SLC7A1: variants seen among roughly 807,000 people sequenced by gnomAD.
The protein encoded by SLC7A1 is high affinity cationic amino acid transporter 1.
SLC7A1 carries 10 observed loss-of-function variants against 53.9 expected under a neutral mutation model. The ratio of observed to expected loss-of-function variants is 0.19; its 90% CI spans 0.11 to 0.31. The LOEUF is 0.31. Ranked by LOEUF, SLC7A1 falls within the 10% of genes least tolerant of loss-of-function variation. The pLI, the probability that SLC7A1 is intolerant of heterozygous loss-of-function variation, is 1.00. For synonymous variants in SLC7A1, 342 were observed against 338.7 expected, an observed-to-expected ratio of 1.01 and a Z score of -0.11; for missense variants, 525 against 827.2, an observed-to-expected ratio of 0.63 and a Z score of 4.48.
At chr13:29,561,693 C>A (rs1258174727) in intron 1 of SLC7A1, among the ~76,000 whole-genome samples, 1 of 152,148 alleles carries the variant, frequency 6.6e-6, no homozygotes, top group Non-Finnish European at 1.5e-5. Context: ...ACAATAAAGA[C>A]CTCAGCGTCC....
Position 29,572,535 on chromosome 13 carries a change from AGGACTGGCC to A in SLC7A1, c.-114-18684_-114-18676del, listed in dbSNP as rs947658620. The stretch of plus-strand genomic sequence containing the variant: ...AGACCATGTGAGGGGCAGGGGAGGA[AGGACTGGCC>A]GGATGCCATCAGTTATCATCAATAT... On this transcript the variant is annotated intron_variant, in intron 1 of 12. Transcript: ENST00000380752. 5.3e-5 allele frequency among the ~76,000 whole-genome samples: 8 copies of A among 152,286 alleles called. No homozygotes were observed. In the East Asian group the frequency reaches 1.4e-3, roughly 26 times the overall value.
chr13:29,587,395 A>G (rs1199040833), intron 1 of SLC7A1, among the ~76,000 whole-genome samples: 1 of 152,212 alleles, frequency 6.6e-6, no homozygotes, highest in Non-Finnish European at 1.5e-5. Context: ...TTCCCTAGGA[A>G]CTTTTGAGAA....
Position 29,510,235 on chromosome 13 carries a change from G to A in SLC7A1, c.*4245C>T, listed in dbSNP as rs9508481. On this transcript the variant is annotated 3_prime_UTR_variant, in exon 13 of 13. Coordinates refer to ENST00000380752, the MANE Select transcript of SLC7A1 (RefSeq NM_003045.5). ...CCAGGCCCAGCCGGGTCCCGATGGC[G>A]AGAGCGTTGTGGCTCAGTGAAGCAC... 0.011 allele frequency: 1,689 copies of A among 152,754 alleles called. 13 individuals are homozygous for A. Among genetic ancestry groups the A allele is most frequent in the Middle Eastern group, 0.037 (11 of 294 alleles). 9.5% of individuals were successfully genotyped at this position (152,754 alleles called of 1,614,324 possible).
intron 1 of SLC7A1, among the ~76,000 whole-genome samples, chr13:29,571,163 C>CA (rs1399029048): frequency 6.6e-6 from 1 of 152,092 alleles, no homozygotes; most frequent in African/African-American, 2.4e-5. Flanking sequence ...ATTAAAATAG[C>CA]AAAAATTGTA....
chr13:29,544,876 G>A (rs1044047717), intron 2 of SLC7A1, among the ~76,000 whole-genome samples: 4 of 150,728 alleles, frequency 2.7e-5, no homozygotes, highest in Non-Finnish European at 5.9e-5. Context: ...TCGGGGGGGG[G>A]GGGCAAGCTC....
chr13:29,584,201 C>T (rs1566278144), intron 1 of SLC7A1, among the ~76,000 whole-genome samples: 4 of 152,126 alleles, frequency 2.6e-5, no homozygotes, highest in Admixed American at 2.6e-4. Flanking sequence ...GCAACCTCCA[C>T]CTCCTGGGCT....
chr13:29,514,010 T>G lies in SLC7A1; in HGVS notation c.*470A>C, dbSNP rs1189055098. 1 of 162,978 alleles carries G rather than the reference T, an allele frequency of 6.1e-6. No individual in the cohort carries two copies. Among genetic ancestry groups the G allele is most frequent in the Non-Finnish European group, 1.3e-5 (1 of 74,702 alleles). The allele number at this position is 162,978 out of a possible 1,614,324, so 10.1% of individuals were successfully genotyped here. A position where few individuals can be genotyped will look rare whatever the true frequency, so the allele number is the denominator to read the frequency against. ...GTGGGGAGCTGCTGGGGACACACTGTTTTGTGGTACTCATCTGGCTTGATT... is the reference window on the plus strand; with the variant it reads ...GTGGGGAGCTGCTGGGGACACACTGGTTTGTGGTACTCATCTGGCTTGATT... On this transcript the variant is annotated 3_prime_UTR_variant, in exon 13 of 13. Transcript: ENST00000380752.
In SLC7A1 at chr13:29,514,381, G is replaced by A. The variant is rs1320554814; in HGVS notation, c.*99C>T. On this transcript the variant is annotated 3_prime_UTR_variant, in exon 13 of 13. Coordinates refer to ENST00000380752, the MANE Select transcript of SLC7A1 (RefSeq NM_003045.5). ...TGGCTGCAGTGAGGGTGTGGACGCA[G>A]GTGGTTTCTGTTGCACTGGTGGGGA... is the stretch of plus-strand genomic sequence containing the variant. 1 of 790,252 alleles carries A rather than the reference G, an allele frequency of 1.3e-6. No homozygotes were observed. Among genetic ancestry groups the A allele is most frequent in the African/African-American group, 1.7e-5 (1 of 59,298 alleles). The allele number at this position is 790,252 out of a possible 1,614,324, so 49.0% of individuals were successfully genotyped here.
At position 29,551,357 on chromosome 13, in the gene SLC7A1, G is replaced by A. The variant is rs949007596; in HGVS notation, c.-15+2404C>T. On this transcript the variant is annotated intron_variant, in intron 2 of 12. Coordinates refer to ENST00000380752, the MANE Select transcript of SLC7A1 (RefSeq NM_003045.5). ...CCAAACAACAAGCGTGGCCAAGACC[G>A]AAAGGCCTCCAGGAGATGTGGCAAC... Among the ~76,000 whole-genome samples the A allele has an allele frequency of 2.6e-5, 4 of 152,334 alleles. 1 individual carries two copies. The highest frequency in any genetic ancestry group is 6.5e-5 in the Admixed American group (1 of 15,300).
intron 1 of SLC7A1, among the ~76,000 whole-genome samples, chr13:29,555,127 G>C (rs1475915085): frequency 6.6e-6 from 1 of 151,558 alleles, no homozygotes; most frequent in African/African-American, 2.4e-5. Flanking sequence ...GGGAGGCCGA[G>C]GCGGGCGGAT....
At chr13:29,535,173 T>C (rs1016484386) in intron 3 of SLC7A1, among the ~76,000 whole-genome samples, 3 of 152,170 alleles carry the variant, frequency 2.0e-5, no homozygotes, top group Non-Finnish European at 4.4e-5. Flanking sequence ...CATAAAGTAA[T>C]TAACTGTTAA....
chr13:29,593,619 T>C (rs1053984892), intron 1 of SLC7A1, among the ~76,000 whole-genome samples: 9 of 152,262 alleles, frequency 5.9e-5, no homozygotes, highest in East Asian at 1.9e-4. Flanking sequence ...AACATAATTA[T>C]CTATTTGTAT....
chr13:29,543,572 C>G (rs960030172), intron 2 of SLC7A1, among the ~76,000 whole-genome samples: 3 of 152,190 alleles, frequency 2.0e-5, no homozygotes, highest in Admixed American at 6.5e-5. Flanking sequence ...CAGCCCACCA[C>G]TCTAAGTCTT....
intron 5 of SLC7A1, among the ~76,000 whole-genome samples, chr13:29,525,717 T>C (rs1408424313): frequency 6.6e-6 from 1 of 152,146 alleles, no homozygotes; most frequent in African/African-American, 2.4e-5. Flanking sequence ...CCATAAACAG[T>C]AACGAGAGGA....
rs1883434376 is a variant in SLC7A1, at chr13:29,512,873, G to A, written c.*1607C>T. 6.6e-6 allele frequency: 1 copy of A among 152,224 alleles called. No homozygotes were observed. The highest frequency in any genetic ancestry group is 1.5e-5 in the Non-Finnish European group (1 of 68,046). 9.4% of individuals were successfully genotyped at this position (152,224 alleles called of 1,614,324 possible). On this transcript the variant is annotated 3_prime_UTR_variant, in exon 13 of 13. Coordinates refer to ENST00000380752, the MANE Select transcript of SLC7A1 (RefSeq NM_003045.5). Reference sequence around the variant, plus strand: ...CTCCAAGAACCTTCTGGGGGCACAGGGAGGGTACAAGTGCCCTCAATTTAT... The same window carrying A: ...CTCCAAGAACCTTCTGGGGGCACAGAGAGGGTACAAGTGCCCTCAATTTAT...
chr13:29,525,278 C>T (rs1397824467), intron 5 of SLC7A1, among the ~76,000 whole-genome samples: 1 of 152,248 alleles, frequency 6.6e-6, no homozygotes, highest in Non-Finnish European at 1.5e-5. Flanking sequence ...TTGCCAGCCC[C>T]AGGGCCGCAG....
At chr13:29,584,302 T>C (rs1002462341) in intron 1 of SLC7A1, among the ~76,000 whole-genome samples, 3 of 152,054 alleles carry the variant, frequency 2.0e-5, no homozygotes, top group Non-Finnish European at 4.4e-5. Context: ...TGCGCCACCA[T>C]GCCCAGCTAA....
intron 2 of SLC7A1, among the ~76,000 whole-genome samples, chr13:29,546,607 A>G (rs1386384892): frequency 6.6e-6 from 1 of 152,066 alleles, no homozygotes; most frequent in Non-Finnish European, 1.5e-5. Flanking sequence ...CCTTTAATAA[A>G]CTCAGGCAGT....
intron 1 of SLC7A1, among the ~76,000 whole-genome samples, chr13:29,568,636 G>T (rs7998704): frequency 0.065 from 9,967 of 152,328 alleles, 403 homozygotes; most frequent in Middle Eastern, 0.16. Flanking sequence ...ACACAATGGC[G>T]CTTCGCCCAC....
Sources: allele counts gnomAD v4.1 joint callset (sites outside exome capture counted in the v4.1 genomes callset), GRCh38; gene constraint gnomAD v4.1.1; transcripts MANE v1.5; gene names NCBI Gene and HGNC (gene_info 2026-07-23, HGNC 2026-07-21).